Variants in SAR1B observed in about 807,000 individuals in gnomAD.
SAR1B encodes the protein small COPII coat GTPase SAR1B.
Under a neutral mutation model 26.8 loss-of-function variants are expected in SAR1B, and 23 were observed. The ratio of observed to expected loss-of-function variants is 0.86; its 90% confidence interval spans 0.62 to 1.22. The LOEUF (loss-of-function observed/expected upper bound fraction) is 1.22. Ranked by LOEUF, SAR1B falls within the 50% of genes most tolerant of loss-of-function variation. The pLI is 0.00. For missense variants in SAR1B, 196 were observed against 232.8 expected (o/e 0.84, Z 1.03); for synonymous variants, 65 against 80.8 (o/e 0.80, Z 1.05).
intron 2 of SAR1B, among the ~76,000 whole-genome samples, chr5:134,621,343 G>A (rs1765404512): frequency 6.6e-6 from 1 of 152,116 alleles, no homozygotes; most frequent in African/African-American, 2.4e-5. Context: ...GGTGGCGCAT[G>A]CCTGTAATCC....
Position 134,605,951 on chromosome 5 carries a change from G to A in SAR1B, c.*999C>T, listed in dbSNP as rs1765119959. 1 of 152,170 alleles carries A rather than the reference G, an allele frequency of 6.6e-6. No homozygotes were observed. The highest frequency in any genetic ancestry group is 1.5e-5 in the Non-Finnish European group (1 of 68,036). 9.4% of individuals were successfully genotyped at this position (152,170 alleles called of 1,614,324 possible). ...CTTGCCCCAGAGAGTACTGTTAAATGTACAGAGACTGGGAATATATCTAAA... is the reference window on the plus strand; with the variant it reads ...CTTGCCCCAGAGAGTACTGTTAAATATACAGAGACTGGGAATATATCTAAA... On this transcript the variant is annotated 3_prime_UTR_variant, in exon 7 of 7. Transcript: ENST00000402673.
chr5:134,631,516 C>T (rs908843130), intron 1 of SAR1B: 2 of 152,074 alleles, frequency 1.3e-5, no homozygotes, highest in African/African-American at 4.8e-5. Flanking sequence ...TCAATGTGAC[C>T]TACTCTTCAC....
At chr5:134,629,198 G>GA (rs1484682081) in intron 1 of SAR1B, among the ~76,000 whole-genome samples, 1 of 152,028 alleles carries the variant, frequency 6.6e-6, no homozygotes. Flanking sequence ...AAGGTGGGGG[G>GA]ATCACTTGAA....
At chr5:134,612,203 A>G (rs1765225833) in intron 4 of SAR1B, among the ~76,000 whole-genome samples, 1 of 152,172 alleles carries the variant, frequency 6.6e-6, no homozygotes, top group Non-Finnish European at 1.5e-5. Flanking sequence ...GGTAGATTGA[A>G]GTAGAGAGAA....
chr5:134,621,161 T>C (rs1580653836), intron 2 of SAR1B, 109 bp from the exon 3 acceptor site: 2 of 1,270,390 alleles, frequency 1.6e-6, no homozygotes, highest in Non-Finnish European at 2.2e-6. Flanking sequence ...TTTTCAGTTT[T>C]AAAAAAGCTA....
chr5:134,608,270 A>G lies in SAR1B; in HGVS notation c.480+102T>C, dbSNP rs116366212. 965 of 1,256,446 alleles carry G rather than the reference A, an allele frequency of 7.7e-4. 6 individuals are homozygous for G. In the African/African-American group the frequency reaches 0.012, roughly 16 times the overall value. The allele number at this position is 1,256,446 out of a possible 1,614,324, so 77.8% of individuals were successfully genotyped here. On this transcript the variant is annotated intron_variant, in intron 6 of 6. Coordinates refer to ENST00000402673, the MANE Select transcript of SAR1B (RefSeq NM_016103.4). ...CAGGTATAAATGACAGTTTTCTTTAAGAAAATGATAATGGGCTTGTATAGT... is the reference window on the plus strand; with the variant it reads ...CAGGTATAAATGACAGTTTTCTTTAGGAAAATGATAATGGGCTTGTATAGT...
chr5:134,631,509 A>G (rs903932166), intron 1 of SAR1B: 3 of 152,214 alleles, frequency 2.0e-5, no homozygotes, highest in South Asian at 2.1e-4. Context: ...CATTGTTTCA[A>G]TGTGACCTAC....
intron 2 of SAR1B, among the ~76,000 whole-genome samples, chr5:134,622,056 C>T (rs891689383): frequency 6.6e-6 from 1 of 152,110 alleles, no homozygotes; most frequent in Non-Finnish European, 1.5e-5. Context: ...ATGGTCTAAC[C>T]TCCACAAAAT....
rs752882938 is a variant in SAR1B at position 134,609,577 on chromosome 5, T to C, written c.342A>G (p.Glu114=). The change falls in exon 5 of 7, where the codon GAA becomes GAG. Residue 114 remains glutamate, a synonymous_variant. Transcript: ENST00000402673. Reference sequence around the variant, plus strand: ...TTTCAGTTATTTAACTTACATCAAGTTCTTCTTTTGACTCTAACAGCCTTT... The same window carrying C: ...TTTCAGTTATTTAACTTACATCAAGCTCTTCTTTTGACTCTAACAGCCTTT... ...DHERLLESKE[E]LDSLMTDETI... is the part of the protein sequence containing the mutation. 7 of 1,612,600 alleles carry C rather than the reference T, an allele frequency of 4.3e-6. 1 individual carries two copies. In the South Asian group the frequency reaches 7.7e-5, roughly 18 times the overall value.
intron 4 of SAR1B, among the ~76,000 whole-genome samples, chr5:134,612,470 T>C (rs1765229634): frequency 6.6e-6 from 1 of 151,134 alleles, no homozygotes; most frequent in African/African-American, 2.4e-5. Context: ...CGTGGCGAAA[T>C]CCCATCTCTA....
Position 134,623,843 on chromosome 5 carries a change from C to T in SAR1B, c.58+119G>A, listed in dbSNP as rs73295444. 2.0e-4 allele frequency: 143 copies of T among 731,568 alleles called. No individual in the cohort carries two copies. The African/African-American group carries it at 2.1e-3, about 11-fold the overall frequency. The allele number at this position is 731,568 out of a possible 1,614,324, so 45.3% of individuals were successfully genotyped here. ...GAACATCTATGTATGATTTCAAAGC[C>T]CATATTCTTAACTATTCTTTACTAC... On this transcript the variant is annotated intron_variant, in intron 2 of 6. Coordinates refer to ENST00000402673, the MANE Select transcript of SAR1B (RefSeq NM_016103.4).
intron 5 of SAR1B, chr5:134,609,098 C>A (rs1199273454): frequency 8.8e-6 from 4 of 456,790 alleles, no homozygotes; most frequent in South Asian, 6.2e-5. Flanking sequence ...GCTGACCTTG[C>A]CTGCTGCTGT....
chr5:134,628,125 C>T (rs1456930571), intron 1 of SAR1B, among the ~76,000 whole-genome samples: 1 of 150,832 alleles, frequency 6.6e-6, no homozygotes, highest in Non-Finnish European at 1.5e-5. Context: ...GCCGGGGTGA[C>T]AGAGCAAGAC....
chr5:134,610,203 A>G (rs1314593924), intron 4 of SAR1B, among the ~76,000 whole-genome samples: 1 of 152,074 alleles, frequency 6.6e-6, no homozygotes, highest in Non-Finnish European at 1.5e-5. Context: ...GTGGTGGCTC[A>G]CACTTGTAAT....
In SAR1B at chr5:134,626,956, C is replaced by T. The variant is rs1765503594; in HGVS notation, c.-18-2919G>A. 3.3e-5 allele frequency among the ~76,000 whole-genome samples: 5 copies of T among 151,864 alleles called. No individual in the cohort carries two copies. The South Asian group carries it at 1.0e-3, about 32-fold the overall frequency. On this transcript the variant is annotated intron_variant, in intron 1 of 6. Coordinates refer to ENST00000402673, the MANE Select transcript of SAR1B (RefSeq NM_016103.4). ...ATTTTATGGTATATCAACTATATCTCAAAAAAGCTATTATAGAAAAATTTT... is the reference window on the plus strand; with the variant it reads ...ATTTTATGGTATATCAACTATATCTTAAAAAAGCTATTATAGAAAAATTTT...
At position 134,615,850 on chromosome 5, in the gene SAR1B, ATGTAG is replaced by A. The variant is rs933970396; in HGVS notation, c.179-3099_179-3095del. ...ACAATAATAAATAAAGAAATTCTGT[ATGTAG>A]GCCAGGTGCAGTGGCTCATGCCTCT... On this transcript the variant is annotated intron_variant, in intron 3 of 6. Coordinates refer to ENST00000402673, the MANE Select transcript of SAR1B (RefSeq NM_016103.4). Among the ~76,000 whole-genome samples, 9 of 146,218 alleles carry A rather than the reference ATGTAG, an allele frequency of 6.2e-5. No individual in the cohort carries two copies. In the South Asian group the frequency reaches 8.7e-4, roughly 14 times the overall value.
chr5:134,624,355 G>A (rs1377582697), intron 1 of SAR1B, among the ~76,000 whole-genome samples: 2 of 151,990 alleles, frequency 1.3e-5, no homozygotes, highest in Non-Finnish European at 2.9e-5. Context: ...GTTGCAGTGA[G>A]TGGAGATTGT....
chr5:134,612,056 C>T (rs1765223657), intron 4 of SAR1B, among the ~76,000 whole-genome samples: 1 of 152,116 alleles, frequency 6.6e-6, no homozygotes, highest in South Asian at 2.1e-4. Flanking sequence ...TCATAGAGAT[C>T]CTGAATGCCA....
chr5:134,621,475 AAAATAAATAAATAAAT>A (rs56349566), intron 2 of SAR1B, among the ~76,000 whole-genome samples: 7 of 148,292 alleles, frequency 4.7e-5, no homozygotes, highest in Admixed American at 1.4e-4. Flanking sequence ...TCTGTCTCAA[AAAATAAATAAATAAAT>A]AAATAAATAA....
Sources: gnomAD v4.1 joint callset for allele counts (sites outside exome capture counted in the v4.1 genomes callset) on GRCh38, gnomAD v4.1.1 for gene constraint, MANE v1.5 for transcripts, NCBI Gene and HGNC (gene_info 2026-07-23, HGNC 2026-07-21) for gene names.